Variants in ZDHHC3 observed in about 807,000 individuals in gnomAD.
The protein encoded by ZDHHC3 is palmitoyltransferase ZDHHC3.
In ZDHHC3, 9 loss-of-function variants were observed where a neutral mutation model predicts 30.6. That is an observed-to-expected ratio of 0.29 (90% CI 0.18 to 0.51). ZDHHC3 has a LOEUF of 0.51. Among genes scored for constraint, ZDHHC3 ranks in the 20% least tolerant of loss-of-function variants. The pLI is 0.97. For synonymous variants in ZDHHC3, 136 were observed against 140.2 expected (o/e 0.97, Z 0.21); for missense variants, 246 against 384.2 (o/e 0.64, Z 3.01).
chr3:44,927,934 G>C (rs1016688576), intron 6 of ZDHHC3, among the ~76,000 whole-genome samples: 1 of 152,216 alleles, frequency 6.6e-6, no homozygotes, highest in Non-Finnish European at 1.5e-5. Flanking sequence ...AGGTGGGGCA[G>C]GGCCCTCCAG....
Position 44,926,023 on chromosome 3 carries a change from T to C in ZDHHC3, c.*666A>G, listed in dbSNP as rs1700956096. 2.0e-6 allele frequency: 2 copies of C among 985,878 alleles called. No homozygotes were observed. Among genetic ancestry groups the C allele is most frequent in the African/African-American group, 1.7e-5 (1 of 57,350 alleles). The allele number at this position is 985,878 out of a possible 1,614,324, so 61.1% of individuals were successfully genotyped here. ...AGGGAATATAATTGCTGATTCAGAA[T>C]ACAAATAAGACCTCTTTCATCTTTC... On this transcript the variant is annotated 3_prime_UTR_variant, in exon 7 of 7. Coordinates refer to ENST00000424952, the MANE Select transcript of ZDHHC3 (RefSeq NM_001135179.2).
intron 2 of ZDHHC3, among the ~76,000 whole-genome samples, chr3:44,955,586 A>T: frequency 6.6e-6 from 1 of 152,094 alleles, no homozygotes; most frequent in East Asian, 1.9e-4. Context: ...TATGTGCAAC[A>T]TGAATTCTTG....
chr3:44,933,049 C>A, intron 5 of ZDHHC3, 69 bp downstream of exon 5: 1 of 1,612,474 alleles, frequency 6.2e-7, no homozygotes, highest in Non-Finnish European at 8.5e-7. Context: ...AAACAAAGAG[C>A]CTCCCCGCCC....
In ZDHHC3 at chr3:44,962,495, AGAAGGAAGGAAG is replaced by A. The variant is rs60365987; in HGVS notation, c.-24-3047_-24-3036del. ...GAAATCTTAAAACAGAAAGGGAGAG[AGAAGGAAGGAAG>A]GAAGGAAGGAAGGAAGGAAGGAAGG... On this transcript the variant is annotated intron_variant, in intron 1 of 6. Coordinates refer to ENST00000424952, the MANE Select transcript of ZDHHC3 (RefSeq NM_001135179.2). 1.6e-3 allele frequency among the ~76,000 whole-genome samples: 179 copies of A among 112,294 alleles called. 5 individuals carry two copies. Among genetic ancestry groups the A allele is most frequent in the South Asian group, 0.014 (41 of 2,830 alleles). 73.7% of individuals were successfully genotyped at this position (112,294 alleles called of 152,430 possible).
chr3:44,934,439 A>T (rs55832644), intron 3 of ZDHHC3, among the ~76,000 whole-genome samples: 76,535 of 151,170 alleles, frequency 0.51, 19,940 homozygotes, highest in East Asian at 0.88. Context: ...ATGAGGTGCT[A>T]CCAGGGAGGG....
chr3:44,932,963 G>A (rs766741385), intron 5 of ZDHHC3, 155 bp downstream of exon 5: 2 of 1,614,008 alleles, frequency 1.2e-6, no homozygotes, highest in African/African-American at 2.7e-5. Flanking sequence ...TCCAGTCTCT[G>A]CCATTTCTTC....
chr3:44,930,143 G>A (rs1418707186), intron 5 of ZDHHC3, among the ~76,000 whole-genome samples: 1 of 152,240 alleles, frequency 6.6e-6, no homozygotes, highest in Non-Finnish European at 1.5e-5. Flanking sequence ...CCGGGGACCT[G>A]AGGCCAGTCC....
chr3:44,937,461 T>G (rs1575818855), intron 3 of ZDHHC3, among the ~76,000 whole-genome samples: 1 of 151,636 alleles, frequency 6.6e-6, no homozygotes, highest in East Asian at 1.9e-4. Context: ...AGCCCAGCAC[T>G]TAGGGAGGCC....
intron 5 of ZDHHC3, among the ~76,000 whole-genome samples, chr3:44,929,928 A>T (rs1701347271): frequency 6.6e-6 from 1 of 152,172 alleles, no homozygotes; most frequent in South Asian, 2.1e-4. Context: ...GCAGCTGTGG[A>T]GGATCACTTG....
Position 44,923,051 on chromosome 3 carries a change from G to A in ZDHHC3, c.*3638C>T. ...ACCCGGAGAGGAGTTTCTGTGTAAT[G>A]CCAACCTCACATACATGTTTAAAAT... On this transcript the variant is annotated 3_prime_UTR_variant, in exon 7 of 7. Coordinates refer to ENST00000424952, the MANE Select transcript of ZDHHC3 (RefSeq NM_001135179.2). The A allele has an allele frequency of 1.0e-6, 1 of 981,348 alleles. No homozygotes were observed. Among genetic ancestry groups the A allele is most frequent in the Non-Finnish European group, 1.2e-6 (1 of 828,062 alleles). The allele number at this position is 981,348 out of a possible 1,614,324, so 60.8% of individuals were successfully genotyped here. A position where few individuals can be genotyped will look rare whatever the true frequency, so the allele number is the denominator to read the frequency against.
Position 44,919,725 on chromosome 3 carries a change from G to C in ZDHHC3, c.*6964C>G, listed in dbSNP as rs1386534399. On this transcript the variant is annotated 3_prime_UTR_variant, in exon 7 of 7. Coordinates refer to ENST00000424952, the MANE Select transcript of ZDHHC3 (RefSeq NM_001135179.2). ...AGGGTATGGTGTTGCCAATGTCCAG[G>C]GTTTTATATTTGTATTATGGTTGTA... 1 of 295,272 alleles carries C rather than the reference G, an allele frequency of 3.4e-6. No homozygotes were observed. Among genetic ancestry groups the C allele is most frequent in the African/African-American group, 2.3e-5 (1 of 44,030 alleles). 18.3% of individuals were successfully genotyped at this position (295,272 alleles called of 1,614,324 possible). A position where few individuals can be genotyped will look rare whatever the true frequency, so the allele number is the denominator to read the frequency against.
In ZDHHC3 at chr3:44,921,473, T is replaced by A. The variant is rs1700590964; in HGVS notation, c.*5216A>T. The A allele has an allele frequency of 3.0e-6, 3 of 985,348 alleles. No individual in the cohort carries two copies. Among genetic ancestry groups the A allele is most frequent in the South Asian group, 9.4e-5 (2 of 21,290 alleles). 61.0% of individuals were successfully genotyped at this position (985,348 alleles called of 1,614,324 possible). On this transcript the variant is annotated 3_prime_UTR_variant, in exon 7 of 7. Coordinates refer to ENST00000424952, the MANE Select transcript of ZDHHC3 (RefSeq NM_001135179.2). ...ATTCCAGAACACATATACACACAAC[T>A]CCCTAAGCTTCATAAAACAATACTT... is the stretch of plus-strand genomic sequence containing the variant.
chr3:44,954,929 T>C (rs1044341461), intron 2 of ZDHHC3, among the ~76,000 whole-genome samples: 1 of 151,956 alleles, frequency 6.6e-6, no homozygotes, highest in Non-Finnish European at 1.5e-5. Flanking sequence ...AAGATAAGGG[T>C]TTCTGAGTCC....
chr3:44,972,586 T>C (rs1184159711), intron 1 of ZDHHC3, among the ~76,000 whole-genome samples: 4 of 152,202 alleles, frequency 2.6e-5, no homozygotes, highest in Non-Finnish European at 5.9e-5. Flanking sequence ...ATCTCTGTCA[T>C]GTTATTGTTG....
At chr3:44,945,059 C>A in intron 3 of ZDHHC3, 109 bp downstream of exon 3, 1 of 1,511,700 alleles carries the variant, frequency 6.6e-7, no homozygotes. Flanking sequence ...CCGATGCTGA[C>A]TTGGCCCCTG....
intron 2 of ZDHHC3, among the ~76,000 whole-genome samples, chr3:44,957,483 G>C (rs1352135238): frequency 1.3e-5 from 2 of 152,162 alleles, no homozygotes; most frequent in African/African-American, 4.8e-5. Context: ...AAAATCCTTA[G>C]GGGCCCTAAA....
intron 6 of ZDHHC3, 74 bp from the exon 7 acceptor site, chr3:44,926,921 G>A (rs183704032): frequency 1.7e-5 from 26 of 1,501,124 alleles, no homozygotes; most frequent in Non-Finnish European, 1.6e-5. Context: ...TGTCCGCAGC[G>A]ACAGGTGAAT....
chr3:44,940,227 C>A (rs545134943), intron 3 of ZDHHC3, among the ~76,000 whole-genome samples: 1 of 151,880 alleles, frequency 6.6e-6, no homozygotes, highest in Non-Finnish European at 1.5e-5. Context: ...CTTTTCCCAG[C>A]CCCCACTGCA....
rs937619525 is a variant in ZDHHC3, at chr3:44,918,192, T to C, written c.*8497A>G. 16 of 1,272,510 alleles carry C rather than the reference T, an allele frequency of 1.3e-5. No individual in the cohort carries two copies. The highest frequency in any genetic ancestry group is 1.6e-5 in the Non-Finnish European group (16 of 971,428). The allele number at this position is 1,272,510 out of a possible 1,614,324, so 78.8% of individuals were successfully genotyped here. A position where few individuals can be genotyped will look rare whatever the true frequency, so the allele number is the denominator to read the frequency against. On this transcript the variant is annotated 3_prime_UTR_variant, in exon 7 of 7. Transcript: ENST00000424952. Reference sequence around the variant, plus strand: ...ACATCGTCAGCGTGGTGCTGGGCTGTACAGCTCACATAGACACCCCCAGCT... The same window carrying C: ...ACATCGTCAGCGTGGTGCTGGGCTGCACAGCTCACATAGACACCCCCAGCT...
Sources: allele counts gnomAD v4.1 joint callset (sites outside exome capture counted in the v4.1 genomes callset), GRCh38; gene constraint gnomAD v4.1.1; transcripts MANE v1.5; gene names NCBI Gene and HGNC (gene_info 2026-07-23, HGNC 2026-07-21).